The following TENM4 variants were observed in gnomAD, a reference collection of about 807,000 sequenced individuals.
The protein encoded by TENM4 is teneurin-4.
In TENM4, 82 loss-of-function variants were observed where a neutral mutation model predicts 243.3. The observed-to-expected ratio is 0.34, with a 90% CI of 0.28 to 0.40. The LOEUF (loss-of-function observed/expected upper bound fraction) is 0.40. TENM4 is among the 10% of genes least tolerant of loss of function. The pLI is 1.00. For synonymous variants in TENM4, 1,412 were observed against 1,456.3 expected (o/e 0.97, Z 0.69); for missense variants, 3,138 against 3,673.3 (o/e 0.85, Z 3.77).
intron 2 of TENM4, among the ~76,000 whole-genome samples, chr11:79,288,912 AG>A (rs1286018320): frequency 1.3e-5 from 2 of 152,200 alleles, no homozygotes; most frequent in Admixed American, 1.3e-4. Context: ...AATGAACCAT[AG>A]GGAAAACTGC....
intron 2 of TENM4, among the ~76,000 whole-genome samples, chr11:79,235,085 G>T (rs535573197): frequency 6.6e-6 from 1 of 151,974 alleles, no homozygotes; most frequent in Non-Finnish European, 1.5e-5. Flanking sequence ...AGGCTGAGGC[G>T]GGTGGATCAT....
At chr11:78,813,945 C>A (rs1241692118) in intron 13 of TENM4, among the ~76,000 whole-genome samples, 2 of 152,138 alleles carry the variant, frequency 1.3e-5, no homozygotes, top group Admixed American at 1.3e-4. Context: ...CAAAGATGCA[C>A]GGCCAGGGAC....
chr11:79,298,521 CAAAAA>C (rs61373828), intron 1 of TENM4, among the ~76,000 whole-genome samples: 4 of 17,256 alleles, frequency 2.3e-4, no homozygotes, highest in African/African-American at 5.0e-4. Context: ...GACTCCGTCT[CAAAAA>C]AAAAAAAAAA....
chr11:79,187,675 G>A (rs1173428881), intron 3 of TENM4, among the ~76,000 whole-genome samples: 3 of 152,154 alleles, frequency 2.0e-5, no homozygotes, highest in Non-Finnish European at 4.4e-5. Context: ...ATTGTATTTG[G>A]AGACAGGGCC....
At position 78,669,062 on chromosome 11, in the gene TENM4, C is replaced by T; in HGVS notation, c.7283G>A (p.Trp2428Ter). The T allele has an allele frequency of 6.2e-7, 1 of 1,613,970 alleles. No individual in the cohort carries two copies. Among genetic ancestry groups the T allele is most frequent in the Non-Finnish European group, 8.5e-7 (1 of 1,179,882 alleles). Residue 2428 changes from tryptophan (W) to a stop codon, truncating the protein, a stop_gained, in exon 32 of 34, where the codon TGG becomes TAG. Transcript: ENST00000278550. LOFTEE classifies it high-confidence loss of function. The surrounding 1 kb of genome is among the most constrained non-coding windows in gnomAD (Gnocchi z 6.4). ...RRDYDVLAGR[W>*]TSPDHELWKH... ...CCACAGCTCGTGGTCTGGGCTAGTC[C>T]AGCGTCCGGCCAGCACATCATAATC...
At chr11:79,033,973 G>A (rs564699890) in intron 6 of TENM4, among the ~76,000 whole-genome samples, 3 of 152,248 alleles carry the variant, frequency 2.0e-5, no homozygotes, top group South Asian at 2.1e-4. Context: ...GGCATTTAGC[G>A]TAATGGAAAC....
At chr11:78,713,782 G>A (rs1276910662) in intron 25 of TENM4, among the ~76,000 whole-genome samples, 1 of 152,122 alleles carries the variant, frequency 6.6e-6, no homozygotes, top group Non-Finnish European at 1.5e-5. Context: ...AGATGACTAC[G>A]TAGTAGATAT....
intron 3 of TENM4, among the ~76,000 whole-genome samples, chr11:79,212,069 G>GA (rs1247086532): frequency 6.6e-6 from 1 of 152,230 alleles, no homozygotes; most frequent in Non-Finnish European, 1.5e-5. Flanking sequence ...TTCCTAAACA[G>GA]ACGACTCAGT....
intron 6 of TENM4, among the ~76,000 whole-genome samples, chr11:78,930,103 T>C (rs1383841073): frequency 1.3e-5 from 2 of 152,208 alleles, no homozygotes; most frequent in Non-Finnish European, 2.9e-5. Flanking sequence ...GCTCAGACTA[T>C]AGTTAATGTC....
intron 6 of TENM4, among the ~76,000 whole-genome samples, chr11:78,955,721 A>G (rs1857196899): frequency 1.3e-5 from 2 of 152,202 alleles, no homozygotes; most frequent in South Asian, 4.1e-4. Context: ...TGACCTGTTT[A>G]TTTTGCAAGG....
chr11:79,069,894 G>T lies in TENM4; in HGVS notation c.51C>A (p.Asp17Glu). 1 of 1,548,432 alleles carries T rather than the reference G, an allele frequency of 6.5e-7. No individual in the cohort carries two copies. Among genetic ancestry groups the T allele is most frequent in the East Asian group, 2.4e-5 (1 of 40,906 alleles). Reference protein sequence around the residue: ...KPYRSLTRRRDAERRYTSSSA... With the variant: ...KPYRSLTRRREAERRYTSSSA... ...ACGAGCTGGTGTAGCGGCGCTCGGC[G>T]TCGCGGCGCCGGGTCAGCGAGCGGT... Residue 17 changes from aspartate to glutamate, a missense_variant, in exon 5 of 34, where the codon GAC (aspartate) becomes GAA (glutamate). Around this residue, in one of 2 missense-constraint regions of TENM4, gnomAD observed 671 missense variants for 614.1 expected, o/e 1.09. Coordinates refer to ENST00000278550, the MANE Select transcript of TENM4 (RefSeq NM_001098816.3).
chr11:79,185,691 A>T (rs1863369115), intron 3 of TENM4, among the ~76,000 whole-genome samples: 1 of 152,190 alleles, frequency 6.6e-6, no homozygotes, highest in Non-Finnish European at 1.5e-5. Flanking sequence ...TTGGAGGTGC[A>T]ATTGTCTATG....
At chr11:78,928,760 T>C (rs1458948930) in intron 6 of TENM4, among the ~76,000 whole-genome samples, 1 of 152,228 alleles carries the variant, frequency 6.6e-6, no homozygotes, top group East Asian at 1.9e-4. Flanking sequence ...AAACAAGTAC[T>C]GATTGGGTGG....
At chr11:78,688,273 C>G in intron 28 of TENM4, 47 bp from the exon 29 acceptor site, 1 of 1,568,770 alleles carries the variant, frequency 6.4e-7, no homozygotes, top group South Asian at 1.2e-5. Flanking sequence ...TAATGGTGCT[C>G]TAGCTGGAAC....
intron 9 of TENM4, among the ~76,000 whole-genome samples, chr11:78,877,318 G>A (rs959329936): frequency 2.0e-5 from 3 of 152,076 alleles, no homozygotes; most frequent in African/African-American, 4.8e-5. Context: ...CTCTGCTCCC[G>A]CCTTGTCCCC....
intron 19 of TENM4, among the ~76,000 whole-genome samples, chr11:78,742,019 T>G (rs1161333308): frequency 6.6e-6 from 1 of 152,186 alleles, no homozygotes; most frequent in East Asian, 1.9e-4. Flanking sequence ...TGTCACCACC[T>G]CAGTAAGGTT....
intron 6 of TENM4, among the ~76,000 whole-genome samples, chr11:79,055,497 C>T: frequency 6.6e-6 from 1 of 152,168 alleles, no homozygotes; most frequent in Non-Finnish European, 1.5e-5. Context: ...CTGTCTCGGC[C>T]TCCCAAAGTG....
intron 15 of TENM4, among the ~76,000 whole-genome samples, 193 bp downstream of exon 15, chr11:78,805,099 A>G (rs1318413328): frequency 6.6e-6 from 1 of 152,172 alleles, no homozygotes. Flanking sequence ...GAATGATGTA[A>G]GGATGTAATT....
chr11:79,301,620 G>A (rs991655042), intron 1 of TENM4, among the ~76,000 whole-genome samples: 1 of 152,206 alleles, frequency 6.6e-6, no homozygotes, highest in African/African-American at 2.4e-5. Flanking sequence ...TGAATGACAT[G>A]GTTTGGATCC....
Sources: gnomAD v4.1 joint callset for allele counts (sites outside exome capture counted in the v4.1 genomes callset) on GRCh38, gnomAD v4.1.1 for gene constraint, gnomAD v4.1.1 regional missense constraint, Gnocchi (gnomAD v3.1) non-coding constraint, MANE v1.5 for transcripts, NCBI Gene and HGNC (gene_info 2026-07-23, HGNC 2026-07-21) for gene names.